Variants in HIBCH observed in about 807,000 individuals in gnomAD.
HIBCH encodes the protein 3-hydroxyisobutyryl-CoA hydrolase, also known as 3-hydroxyisobutyryl-CoA hydrolase, mitochondrial.
Under a neutral mutation model 58.2 loss-of-function variants are expected in HIBCH, and 50 were observed. The ratio of observed to expected loss-of-function variants is 0.86; its 90% CI spans 0.68 to 1.09. HIBCH has a LOEUF of 1.09. Among genes scored for constraint, HIBCH ranks in the 50% least tolerant of loss-of-function variants. The pLI, the probability that HIBCH is intolerant of heterozygous loss-of-function variation, is 0.00. For synonymous variants in HIBCH, 151 were observed against 146.9 expected (o/e 1.03, Z -0.20); for missense variants, 450 against 449.7 (o/e 1.00, Z -0.01).
intron 6 of HIBCH, among the ~76,000 whole-genome samples, chr2:190,270,923 CCTG>C (rs1344252935): frequency 1.3e-5 from 2 of 151,416 alleles, no homozygotes; most frequent in Non-Finnish European, 2.9e-5. Flanking sequence ...TTTTTTTTAC[CCTG>C]CTATTGGGTA....
At chr2:190,309,583 G>A (rs1354101499) in intron 2 of HIBCH, among the ~76,000 whole-genome samples, 1 of 150,104 alleles carries the variant, frequency 6.7e-6, no homozygotes, top group Non-Finnish European at 1.5e-5. Flanking sequence ...TTAAGACAGA[G>A]TCTCGCTCTG....
intron 7 of HIBCH, among the ~76,000 whole-genome samples, chr2:190,258,431 G>C (rs1384232811): frequency 6.6e-6 from 1 of 152,194 alleles, no homozygotes; most frequent in Non-Finnish European, 1.5e-5. Flanking sequence ...TGGAAATGTA[G>C]AAGTGACTTG....
At chr2:190,285,122 T>G (rs895846842) in intron 6 of HIBCH, among the ~76,000 whole-genome samples, 3 of 152,228 alleles carry the variant, frequency 2.0e-5, no homozygotes, top group African/African-American at 7.2e-5. Context: ...CTCTTTCTAA[T>G]CTACTGCCAT....
chr2:190,314,557 C>T (rs1688664336), intron 1 of HIBCH, among the ~76,000 whole-genome samples: 1 of 152,000 alleles, frequency 6.6e-6, no homozygotes, highest in African/African-American at 2.4e-5. Flanking sequence ...CAGCTCACTG[C>T]AACCTCTGCC....
rs536390080 is a variant in HIBCH, at chr2:190,304,564, G to A, written c.78+6190C>T. 2.0e-5 allele frequency among the ~76,000 whole-genome samples: 3 copies of A among 152,278 alleles called. No individual in the cohort carries two copies. The East Asian group carries it at 5.8e-4, about 29-fold the overall frequency. On this transcript the variant is annotated intron_variant, in intron 2 of 13. Transcript: ENST00000359678. The surrounding 1 kb of genome is among the most constrained non-coding windows in gnomAD (Gnocchi z 4.1). Reference sequence around the variant, plus strand: ...ACCTTTCAATACATCCACACTGGGGGTTAAATTTCGAAATGAGTTTTGGAG... The same window carrying A: ...ACCTTTCAATACATCCACACTGGGGATTAAATTTCGAAATGAGTTTTGGAG...
intron 6 of HIBCH, among the ~76,000 whole-genome samples, chr2:190,282,610 G>A (rs1369950327): frequency 1.3e-5 from 2 of 152,034 alleles, no homozygotes. Context: ...CCTCAACATG[G>A]GTTTTGGTGG....
intron 6 of HIBCH, among the ~76,000 whole-genome samples, chr2:190,285,112 CTCTT>C (rs1687799108): frequency 6.6e-6 from 1 of 152,140 alleles, no homozygotes; most frequent in African/African-American, 2.4e-5. Flanking sequence ...TTAAATTCAT[CTCTT>C]TCTAATCTAC....
intron 7 of HIBCH, among the ~76,000 whole-genome samples, chr2:190,253,396 T>C (rs1686834377): frequency 6.6e-6 from 1 of 152,128 alleles, no homozygotes. Flanking sequence ...AGTTCTAGAC[T>C]TAAAAGAAAA....
chr2:190,249,066 T>A (rs1344977798), intron 9 of HIBCH, among the ~76,000 whole-genome samples: 1 of 152,096 alleles, frequency 6.6e-6, no homozygotes, highest in African/African-American at 2.4e-5. Context: ...AATACTAACA[T>A]CTCATGTCTG....
At chr2:190,239,533 TA>T (rs1686387097) in intron 11 of HIBCH, among the ~76,000 whole-genome samples, 1 of 152,178 alleles carries the variant, frequency 6.6e-6, no homozygotes, top group Non-Finnish European at 1.5e-5. Flanking sequence ...GCACTGAATC[TA>T]AAAATTACTT....
At chr2:190,290,631 A>G (rs1239448823) in intron 4 of HIBCH, 146 bp from the exon 5 acceptor site, 12 of 656,410 alleles carry the variant, frequency 1.8e-5, no homozygotes, top group Non-Finnish European at 3.2e-5. Flanking sequence ...CCCCTGCCAC[A>G]GACATTATAT....
intron 11 of HIBCH, among the ~76,000 whole-genome samples, chr2:190,232,812 G>C (rs892001881): frequency 3.9e-5 from 6 of 152,084 alleles, no homozygotes; most frequent in African/African-American, 1.4e-4. Context: ...CAAAAAATTA[G>C]CCAGGTGTGG....
Position 190,243,743 on chromosome 2 carries a change from G to C in HIBCH, c.891+1144C>G, listed in dbSNP as rs964782291. On this transcript the variant is annotated intron_variant, in intron 11 of 13. Coordinates refer to ENST00000359678, the MANE Select transcript of HIBCH (RefSeq NM_014362.4). This position sits in a 1 kb window ranked among gnomAD's most constrained non-coding sequence, Gnocchi z 4.1. ...AGCACTTTGGGAAGCTGAGGTGGGT[G>C]AATCACTTGAGCCTAGGAGGTCGAG... Among the ~76,000 whole-genome samples, 1 of 152,148 alleles carries C rather than the reference G, an allele frequency of 6.6e-6. No individual in the cohort carries two copies. The highest frequency in any genetic ancestry group is 2.4e-5 in the African/African-American group (1 of 41,434).
chr2:190,199,796 G>A (rs1056425840), downstream of HIBCH: 16 of 1,570,962 alleles, frequency 1.0e-5, no homozygotes, highest in African/African-American at 5.5e-5. Flanking sequence ...AAATTTCATT[G>A]TTTTCTAAAG....
chr2:190,245,129 TG>T (rs1686569364), intron 10 of HIBCH, among the ~76,000 whole-genome samples, 161 bp from the exon 11 acceptor site: 1 of 152,220 alleles, frequency 6.6e-6, no homozygotes. Context: ...ATTGCTTCCC[TG>T]GGTAAGCATT....
Position 190,204,968 on chromosome 2 carries a change from A to C in HIBCH, c.*149T>G, listed in dbSNP as rs1440188637. On this transcript the variant is annotated 3_prime_UTR_variant, in exon 14 of 14. Transcript: ENST00000359678. ...GATAATTTTCACGTCATGAATTATT[A>C]GTCTTTGATTTCTTTTCCCAACCAT... 1.2e-5 allele frequency: 8 copies of C among 659,124 alleles called. No homozygotes were observed. Among genetic ancestry groups the C allele is most frequent in the African/African-American group, 3.6e-5 (2 of 55,032 alleles). 40.8% of individuals were successfully genotyped at this position (659,124 alleles called of 1,614,324 possible).
At chr2:190,258,223 C>T (rs1157194068) in intron 7 of HIBCH, among the ~76,000 whole-genome samples, 1 of 152,162 alleles carries the variant, frequency 6.6e-6, no homozygotes, top group Admixed American at 6.5e-5. Context: ...ACTTGCTTCC[C>T]CTTCATCTTT....
intron 2 of HIBCH, 151 bp downstream of exon 2, chr2:190,310,603 G>A: frequency 2.8e-6 from 2 of 726,768 alleles, no homozygotes. Flanking sequence ...CTCCTACAAG[G>A]TGCGTGTGCC....
Position 190,242,682 on chromosome 2 carries a change from A to G in HIBCH, c.891+2205T>C, listed in dbSNP as rs114381722. Among the ~76,000 whole-genome samples the G allele has an allele frequency of 6.0e-3, 910 of 152,304 alleles. 5 individuals carry two copies. Among genetic ancestry groups the G allele is most frequent in the African/African-American group, 0.021 (862 of 41,564 alleles). On this transcript the variant is annotated intron_variant, in intron 11 of 13. Transcript: ENST00000359678. ...TACAGAATGGGTAGTAGGAGGAGGT[A>G]GTCATCAATACTAGCTACAACCATG...
Sources: gnomAD v4.1 joint callset for allele counts (sites outside exome capture counted in the v4.1 genomes callset) on GRCh38, gnomAD v4.1.1 for gene constraint, Gnocchi (gnomAD v3.1) non-coding constraint, MANE v1.5 for transcripts, NCBI Gene and HGNC (gene_info 2026-07-23, HGNC 2026-07-21) for gene names.